The following LINGO2 variants were observed in gnomAD, a reference collection of about 807,000 sequenced individuals.
The protein encoded by LINGO2 is leucine-rich repeat and immunoglobulin-like domain-containing nogo receptor-interacting protein 2.
LINGO2 carries 14 observed loss-of-function variants against 30.6 expected under a neutral mutation model. The ratio of observed to expected loss-of-function variants is 0.46; its 90% CI spans 0.30 to 0.72. The LOEUF (loss-of-function observed/expected upper bound fraction) is 0.72, where lower values mean the gene tolerates loss of function less well. Among genes scored for constraint, LINGO2 ranks in the 30% least tolerant of loss-of-function variants. The pLI is 0.07. For synonymous variants in LINGO2, 317 were observed against 288.5 expected, an observed-to-expected ratio of 1.10 and a Z score of -1.00; for missense variants, 729 against 751.7, an observed-to-expected ratio of 0.97 and a Z score of 0.35.
chr9:28,829,891 A>G, the LINGO2 span, among the ~76,000 whole-genome samples: 1 of 152,180 alleles, frequency 6.6e-6, no homozygotes, highest in African/African-American at 2.4e-5. Flanking sequence ...CTCCATCTCA[A>G]AAAAGATAAA....
At chr9:28,513,385 C>A (rs1045625753) in intron 1 of LINGO2, among the ~76,000 whole-genome samples, 51 of 152,260 alleles carry the variant, frequency 3.3e-4, no homozygotes, top group African/African-American at 1.2e-3. Context: ...TATCTGAAAT[C>A]TACATTGTTT....
intron 2 of LINGO2, among the ~76,000 whole-genome samples, chr9:28,438,848 A>G (rs143835370): frequency 0.018 from 2,613 of 146,314 alleles, 75 homozygotes; most frequent in East Asian, 0.098. Context: ...ATATATATAT[A>G]TAATGAGATA....
At chr9:28,994,797 G>A in the LINGO2 span, among the ~76,000 whole-genome samples, 8 of 152,172 alleles carry the variant, frequency 5.3e-5, no homozygotes, top group Non-Finnish European at 8.8e-5. Context: ...AAATGGTCCT[G>A]GGAAAACTGG....
chr9:28,877,730 T>G, the LINGO2 span, among the ~76,000 whole-genome samples: 2 of 152,120 alleles, frequency 1.3e-5, no homozygotes, highest in African/African-American at 4.8e-5. Context: ...GACTTGGCAA[T>G]GCAGGCTCTT....
chr9:28,529,702 G>A (rs979475584), intron 1 of LINGO2, among the ~76,000 whole-genome samples: 6 of 151,068 alleles, frequency 4.0e-5, no homozygotes, highest in South Asian at 2.1e-4. Flanking sequence ...AAGGTGGATC[G>A]GGTAGGTTGG....
At chr9:28,172,016 C>CAAAAAAAAAAAAA (rs1197927884) in intron 4 of LINGO2, among the ~76,000 whole-genome samples, 1 of 44,036 alleles carries the variant, frequency 2.3e-5, no homozygotes, top group African/African-American at 9.4e-5. Flanking sequence ...GACTCCGTCT[C>CAAAAAAAAAAAAA]AAAAAAAAAA....
intron 5 of LINGO2, among the ~76,000 whole-genome samples, chr9:27,980,095 C>G (rs1047126100): frequency 6.6e-6 from 1 of 151,786 alleles, no homozygotes; most frequent in Non-Finnish European, 1.5e-5. Context: ...TACCTCACTT[C>G]GAGGCAAGAA....
chr9:28,565,248 C>T (rs555806429), intron 1 of LINGO2, among the ~76,000 whole-genome samples: 1 of 152,038 alleles, frequency 6.6e-6, no homozygotes, highest in East Asian at 1.9e-4. Context: ...AGTGCAGTGG[C>T]GCCATCTCAG....
the LINGO2 span, among the ~76,000 whole-genome samples, chr9:28,905,942 T>C: frequency 2.0e-5 from 3 of 152,030 alleles, no homozygotes; most frequent in Non-Finnish European, 4.4e-5. Flanking sequence ...GTAAAGAAGA[T>C]GTGTTATATA....
the LINGO2 span, among the ~76,000 whole-genome samples, chr9:28,717,207 A>C: frequency 1.3e-5 from 2 of 152,000 alleles, no homozygotes; most frequent in Non-Finnish European, 2.9e-5. Flanking sequence ...GTCCAGTGTC[A>C]AAGGAGTCAT....
At chr9:29,191,103 C>T in the LINGO2 span, among the ~76,000 whole-genome samples, 4 of 152,208 alleles carry the variant, frequency 2.6e-5, no homozygotes, top group East Asian at 7.7e-4. Context: ...CACACATTTG[C>T]CACCATTGCA....
the LINGO2 span, among the ~76,000 whole-genome samples, chr9:28,848,947 G>T: frequency 4.7e-4 from 72 of 151,994 alleles, 1 homozygote; most frequent in East Asian, 0.012. Context: ...TTTGAGAAGT[G>T]ATCTAGTCAT....
intron 4 of LINGO2, among the ~76,000 whole-genome samples, chr9:28,215,217 C>T (rs1191582581): frequency 6.6e-6 from 1 of 151,856 alleles, no homozygotes; most frequent in East Asian, 1.9e-4. Context: ...CTAACAATAA[C>T]ATTCTCCTTT....
chr9:28,962,245 C>T, the LINGO2 span, among the ~76,000 whole-genome samples: 34 of 152,042 alleles, frequency 2.2e-4, no homozygotes, highest in African/African-American at 8.2e-4. Flanking sequence ...AGTCAATCCT[C>T]ATGATAACCT....
At chr9:29,023,426 T>C in the LINGO2 span, among the ~76,000 whole-genome samples, 4 of 152,240 alleles carry the variant, frequency 2.6e-5, no homozygotes, top group Non-Finnish European at 4.4e-5. Context: ...GCTTAAAAAT[T>C]ATCTTTCCAT....
intron 4 of LINGO2, among the ~76,000 whole-genome samples, chr9:28,220,835 A>G (rs1820932378): frequency 6.6e-6 from 1 of 152,158 alleles, no homozygotes; most frequent in Admixed American, 6.5e-5. Flanking sequence ...AGCAAGCAAA[A>G]CAACCAAGTA....
chr9:28,868,290 G>A, the LINGO2 span, among the ~76,000 whole-genome samples: 2 of 152,156 alleles, frequency 1.3e-5, no homozygotes, highest in Admixed American at 1.3e-4. Context: ...TCATTGAAGG[G>A]TTTAGTTCAC....
intron 1 of LINGO2, among the ~76,000 whole-genome samples, chr9:28,601,436 G>A (rs1489857508): frequency 6.6e-6 from 1 of 152,106 alleles, no homozygotes; most frequent in African/African-American, 2.4e-5. Context: ...TGAAAAATGT[G>A]TTGATTCACA....
the LINGO2 span, among the ~76,000 whole-genome samples, chr9:28,806,533 A>T: frequency 6.6e-6 from 1 of 152,190 alleles, no homozygotes; most frequent in South Asian, 2.1e-4. Flanking sequence ...TATTGACTAC[A>T]GACTGCTCCT....
Sources: allele counts gnomAD v4.1 joint callset (sites outside exome capture counted in the v4.1 genomes callset), GRCh38; gene constraint gnomAD v4.1.1; transcripts MANE v1.5; gene names NCBI Gene and HGNC (gene_info 2026-07-23, HGNC 2026-07-21).